BIN2: variants seen among roughly 807,000 people sequenced by gnomAD.
BIN2 encodes the protein breast cancer associated protein BRAP1.
A neutral mutation model predicts 67.9 loss-of-function variants in BIN2; 43 were observed. That is an observed-to-expected ratio of 0.63 (90% confidence interval 0.50 to 0.82). The LOEUF is 0.82. BIN2 is among the 40% of genes least tolerant of loss of function. BIN2 has a pLI of 0.00. For synonymous variants in BIN2, 244 were observed against 246.8 expected (o/e 0.99, Z 0.11); for missense variants, 581 against 671.6 (o/e 0.87, Z 1.49).
chr12:51,321,679 G>C (rs976170254), intron 1 of BIN2, among the ~76,000 whole-genome samples: 1 of 152,288 alleles, frequency 6.6e-6, no homozygotes, highest in East Asian at 1.9e-4. Context: ...GATTACAGGC[G>C]TGAGCCACTG....
chr12:51,293,319 A>AT (rs1204397864), intron 9 of BIN2, among the ~76,000 whole-genome samples: 2 of 150,590 alleles, frequency 1.3e-5, no homozygotes, highest in Non-Finnish European at 3.0e-5. Context: ...TTATTTTTTT[A>AT]TTTTTTTTGA....
In BIN2 at chr12:51,292,334, G is replaced by T. The variant is rs774206846; in HGVS notation, c.772C>A (p.Arg258Ser). The T allele has an allele frequency of 1.9e-6, 3 of 1,567,982 alleles. No homozygotes were observed. Among genetic ancestry groups the T allele is most frequent in the African/African-American group, 1.4e-5 (1 of 73,716 alleles). Residue 258 changes from arginine to serine, a missense_variant, in exon 10 of 13, where the codon CGC becomes AGC. By Grantham distance (110) the Arg-to-Ser change is moderately radical. Transcript: ENST00000615107. ...VVKGLSSSSRRSLVISPPVRT... is the reference protein window; with the variant it reads ...VVKGLSSSSRSSLVISPPVRT... ...ACTGGGGGAGAAATGACTAAAGAGC[G>T]CCTGCTGCTGCTAAAAAAGGAAGGT...
intron 9 of BIN2, among the ~76,000 whole-genome samples, chr12:51,292,857 C>A (rs1565673944): frequency 6.6e-6 from 1 of 152,092 alleles, no homozygotes; most frequent in Admixed American, 6.6e-5. Context: ...GTTTTCCTAA[C>A]TTTGTGCTTT....
chr12:51,306,053 G>T (rs994144590), intron 2 of BIN2, among the ~76,000 whole-genome samples: 1 of 151,792 alleles, frequency 6.6e-6, no homozygotes, highest in Non-Finnish European at 1.5e-5. Context: ...AGCCAGGATG[G>T]TCTCGATCTC....
intron 1 of BIN2, among the ~76,000 whole-genome samples, chr12:51,320,972 C>CACACACACACACACACACACACACACACA: frequency 6.6e-6 from 1 of 151,328 alleles, no homozygotes. Flanking sequence ...CACACACACT[C>CACACACACACACACACACACACACACACA]TAAAGCCAGC....
intron 1 of BIN2, among the ~76,000 whole-genome samples, chr12:51,319,284 TGA>T (rs1315082408): frequency 6.6e-6 from 1 of 152,128 alleles, no homozygotes; most frequent in Non-Finnish European, 1.5e-5. Flanking sequence ...TGGGGGGTAC[TGA>T]GAGAAACTTC....
rs118118637 is a variant in BIN2, at chr12:51,290,004, T to A, written c.1515+1587A>T. Among the ~76,000 whole-genome samples the A allele has an allele frequency of 5.3e-3, 801 of 152,234 alleles. 31 individuals are homozygous for A. The East Asian group carries it at 0.1, about 20-fold the overall frequency. On this transcript the variant is annotated intron_variant, in intron 10 of 12. Coordinates refer to ENST00000615107, the MANE Select transcript of BIN2 (RefSeq NM_016293.4). The stretch of plus-strand genomic sequence containing the variant: ...TAATGAACTGAAGTGAGACCCACCC[T>A]CCTGCCCCCACTAAAGAAGGTAAAG...
At position 51,281,406 on chromosome 12, in the gene BIN2, G is replaced by T; in HGVS notation, c.*93C>A. ...CATTCCTACTGAGAACCCAGGGATG[G>T]ATGCTGGCTCTTATATCCCTCTGAC... On this transcript the variant is annotated 3_prime_UTR_variant, in exon 13 of 13. Coordinates refer to ENST00000615107, the MANE Select transcript of BIN2 (RefSeq NM_016293.4). 1 of 1,360,240 alleles carries T rather than the reference G, an allele frequency of 7.4e-7. No homozygotes were observed. The highest frequency in any genetic ancestry group is 1.1e-6 in the Non-Finnish European group (1 of 950,354). 84.3% of individuals were successfully genotyped at this position (1,360,240 alleles called of 1,614,324 possible). A position where few individuals can be genotyped will look rare whatever the true frequency, so the allele number is the denominator to read the frequency against.
At chr12:51,289,422 C>T (rs1445251339) in intron 10 of BIN2, among the ~76,000 whole-genome samples, 1 of 151,888 alleles carries the variant, frequency 6.6e-6, no homozygotes, top group Non-Finnish European at 1.5e-5. Context: ...TGAAACCAGC[C>T]TGGGCAACAT....
intron 10 of BIN2, 37 bp downstream of exon 10, chr12:51,291,552 AAT>A (rs773252972): frequency 5.9e-6 from 9 of 1,524,970 alleles, no homozygotes; most frequent in Non-Finnish European, 7.0e-6. Flanking sequence ...TAAATAAATA[AAT>A]TAATTAAATT....
At chr12:51,304,834 G>C (rs1003352645) in intron 2 of BIN2, among the ~76,000 whole-genome samples, 42 of 151,416 alleles carry the variant, frequency 2.8e-4, no homozygotes, top group African/African-American at 9.2e-4. Context: ...GGCTAACACG[G>C]TGAAAGCCCA....
At chr12:51,309,965 A>G (rs1216755673) in intron 2 of BIN2, among the ~76,000 whole-genome samples, 1 of 152,230 alleles carries the variant, frequency 6.6e-6, no homozygotes, top group Non-Finnish European at 1.5e-5. Flanking sequence ...ATAGAACAGT[A>G]AGAAGAGTTG....
At chr12:51,290,624 G>A (rs1945355651) in intron 10 of BIN2, among the ~76,000 whole-genome samples, 1 of 150,882 alleles carries the variant, frequency 6.6e-6, no homozygotes, top group Non-Finnish European at 1.5e-5. Flanking sequence ...CAGGAGTTCG[G>A]CACCAGCCTG....
At chr12:51,296,414 G>A (rs1170750632) in intron 8 of BIN2, among the ~76,000 whole-genome samples, 4 of 151,486 alleles carry the variant, frequency 2.6e-5, no homozygotes, top group Non-Finnish European at 4.4e-5. Context: ...GGAGAATGGC[G>A]TGAACCTGGG....
At chr12:51,284,136 C>T (rs921447082) in intron 12 of BIN2, among the ~76,000 whole-genome samples, 2 of 152,100 alleles carry the variant, frequency 1.3e-5, no homozygotes, top group Non-Finnish European at 2.9e-5. Context: ...GAGAAGCTTC[C>T]ACTCCTGCAA....
intron 2 of BIN2, among the ~76,000 whole-genome samples, chr12:51,311,841 G>A (rs531243297): frequency 5.3e-5 from 8 of 151,606 alleles, no homozygotes; most frequent in Non-Finnish European, 7.4e-5. Flanking sequence ...GTGCGATCTT[G>A]GCTCACTGCA....
chr12:51,302,173 C>T, intron 4 of BIN2, 58 bp from the exon 5 acceptor site: 2 of 1,296,572 alleles, frequency 1.5e-6, no homozygotes, highest in South Asian at 2.4e-5. Context: ...AACTGCCTAC[C>T]AGGGAAATAC....
At chr12:51,282,650 C>T (rs976632815) in intron 12 of BIN2, among the ~76,000 whole-genome samples, 1 of 152,112 alleles carries the variant, frequency 6.6e-6, no homozygotes, top group Admixed American at 6.5e-5. Context: ...GGTTGGAGTG[C>T]AGTGGCACAA....
At chr12:51,285,466 AT>A (rs1327947365) in intron 11 of BIN2, among the ~76,000 whole-genome samples, 3 of 151,764 alleles carry the variant, frequency 2.0e-5, no homozygotes, top group Non-Finnish European at 2.9e-5. Flanking sequence ...AAAAATATAA[AT>A]TTTAAAAAAA....
Sources: allele counts gnomAD v4.1 joint callset (sites outside exome capture counted in the v4.1 genomes callset), GRCh38; gene constraint gnomAD v4.1.1; transcripts MANE v1.5; gene names NCBI Gene and HGNC (gene_info 2026-07-23, HGNC 2026-07-21).